Variants in SBNO1 observed in about 807,000 individuals in gnomAD.
SBNO1 encodes the protein strawberry notch homolog 1.
SBNO1 carries 23 observed loss-of-function variants against 173.6 expected under a neutral mutation model. The observed-to-expected ratio is 0.13, with a 90% confidence interval of 0.10 to 0.19. SBNO1 has a LOEUF of 0.19. SBNO1 is among the 10% of genes least tolerant of loss of function. The pLI, the probability that SBNO1 is intolerant of heterozygous loss-of-function variation, is 1.00. For synonymous variants in SBNO1, 632 were observed against 571.5 expected (o/e 1.11, Z -1.51); for missense variants, 1,238 against 1,671.2 (o/e 0.74, Z 4.52).
rs762033822 is a variant in SBNO1, at chr12:123,320,691, A to G, written c.2491+8T>C. Reference sequence around the variant, plus strand: ...AGTATTTCAAAAAGGAAGTTTCTGTATGGATACCTGGTGTACTGTTAGGAG... The same window carrying G: ...AGTATTTCAAAAAGGAAGTTTCTGTGTGGATACCTGGTGTACTGTTAGGAG... On this transcript the variant is annotated splice_region_variant and intron_variant, in intron 18 of 31. Coordinates refer to ENST00000602398, the MANE Select transcript of SBNO1 (RefSeq NM_001167856.3). 2.5e-6 allele frequency: 4 copies of G among 1,596,784 alleles called. No homozygotes were observed. The highest frequency in any genetic ancestry group is 3.4e-6 in the Non-Finnish European group (4 of 1,173,938).
chr12:123,348,669 G>C (rs997447168), intron 2 of SBNO1, among the ~76,000 whole-genome samples: 3 of 152,188 alleles, frequency 2.0e-5, no homozygotes, highest in African/African-American at 7.2e-5. Context: ...GGGAAGCTGA[G>C]GCAGGAGAAT....
At position 123,323,666 on chromosome 12, in the gene SBNO1, T is replaced by C; in HGVS notation, c.2125+14A>G. The C allele has an allele frequency of 6.3e-7, 1 of 1,583,602 alleles. No homozygotes were observed. The stretch of plus-strand genomic sequence containing the variant: ...ACCGCACCTGGCCTATTTTTTCTTT[T>C]TTAAAGTGCTCACCTTTCCGCTTCT... On this transcript the variant is annotated intron_variant, in intron 16 of 31. Coordinates refer to ENST00000602398, the MANE Select transcript of SBNO1 (RefSeq NM_001167856.3).
chr12:123,299,541 T>A (rs1312114919), intron 30 of SBNO1, among the ~76,000 whole-genome samples: 45 of 123,240 alleles, frequency 3.7e-4, no homozygotes, highest in Middle Eastern at 6.9e-3. Context: ...ATTTGCAGGG[T>A]GTGGTGGCGG....
chr12:123,297,560 G>GTGAGAATA (rs2048651863), intron 31 of SBNO1, among the ~76,000 whole-genome samples: 1 of 152,008 alleles, frequency 6.6e-6, no homozygotes, highest in Non-Finnish European at 1.5e-5. Flanking sequence ...TGAGCACACG[G>GTGAGAATA]TGAGAATAGC....
intron 1 of SBNO1, among the ~76,000 whole-genome samples, chr12:123,350,852 G>A (rs920144401): frequency 2.5e-5 from 1 of 39,568 alleles, no homozygotes. Context: ...TATGGCTGGA[G>A]GCCAGATGCC....
chr12:123,345,525 G>A lies in SBNO1; in HGVS notation c.283C>T (p.His95Tyr), dbSNP rs1278836321. ...ATTGTAGATCCCAAGGGTGGAAGATGATTTATTTGATTCAGCACAAATGTT... is the reference window on the plus strand; with the variant it reads ...ATTGTAGATCCCAAGGGTGGAAGATAATTTATTTGATTCAGCACAAATGTT... Reference protein sequence around the residue: ...TTTFVLNQINHLPPLGSTIVM... With the variant: ...TTTFVLNQINYLPPLGSTIVM... The change falls in exon 4 of 32, where the codon CAT (histidine) becomes TAT (tyrosine). Residue 95 changes from histidine (H) to tyrosine (Y), a missense_variant. By Grantham distance (83) the His-to-Tyr change is moderately conservative. Transcript: ENST00000602398. 2 of 1,613,948 alleles carry A rather than the reference G, an allele frequency of 1.2e-6. No individual in the cohort carries two copies. The highest frequency in any genetic ancestry group is 1.3e-5 in the African/African-American group (1 of 74,904).
At chr12:123,342,637 C>T (rs981005786) in intron 4 of SBNO1, among the ~76,000 whole-genome samples, 1 of 152,162 alleles carries the variant, frequency 6.6e-6, no homozygotes, top group African/African-American at 2.4e-5. Flanking sequence ...ACACTTTCTT[C>T]TATACCACTG....
chr12:123,326,052 C>A lies in SBNO1; in HGVS notation c.1875+100G>T, dbSNP rs1028105348. Reference sequence around the variant, plus strand: ...ATGTATTTTTTAGAAGTTTTACTATCCTTTAGGAAAACCAGATTTTACAAG... The same window carrying A: ...ATGTATTTTTTAGAAGTTTTACTATACTTTAGGAAAACCAGATTTTACAAG... On this transcript the variant is annotated intron_variant, in intron 14 of 31. Transcript: ENST00000602398. The A allele has an allele frequency of 1.8e-5, 14 of 768,952 alleles. No homozygotes were observed. In the African/African-American group the frequency reaches 1.9e-4, roughly 11 times the overall value. 47.6% of individuals were successfully genotyped at this position (768,952 alleles called of 1,614,324 possible).
intron 30 of SBNO1, among the ~76,000 whole-genome samples, chr12:123,299,659 C>T (rs952608974): frequency 2.4e-5 from 3 of 126,948 alleles, no homozygotes; most frequent in South Asian, 2.5e-4. Flanking sequence ...CTGGCATGGG[C>T]GACACAGCAA....
intron 29 of SBNO1, among the ~76,000 whole-genome samples, chr12:123,304,204 T>C (rs1381087803): frequency 6.6e-6 from 1 of 152,010 alleles, no homozygotes; most frequent in Non-Finnish European, 1.5e-5. Flanking sequence ...GTACTAAGAT[T>C]ACAGGCGTGA....
In SBNO1 at chr12:123,360,738, T is replaced by C. The variant is rs569602830; in HGVS notation, c.-1+3963A>G. Among the ~76,000 whole-genome samples, 20 of 152,042 alleles carry C rather than the reference T, an allele frequency of 1.3e-4. No individual in the cohort carries two copies. The East Asian group carries it at 3.3e-3, about 25-fold the overall frequency. Reference sequence around the variant, plus strand: ...GGATTACAGGCGTGCACCACCAAGCTTGGCCGAGACAAACCACTTTTTAAA... The same window carrying C: ...GGATTACAGGCGTGCACCACCAAGCCTGGCCGAGACAAACCACTTTTTAAA... On this transcript the variant is annotated intron_variant, in intron 1 of 31. Transcript: ENST00000602398.
At chr12:123,358,202 A>T (rs1404111375) in intron 1 of SBNO1, among the ~76,000 whole-genome samples, 1 of 152,228 alleles carries the variant, frequency 6.6e-6, no homozygotes, top group Non-Finnish European at 1.5e-5. Flanking sequence ...AGTACCTTAA[A>T]ATGTGCATGA....
chr12:123,334,579 G>A (rs950215513), intron 6 of SBNO1, among the ~76,000 whole-genome samples: 4 of 152,134 alleles, frequency 2.6e-5, no homozygotes, highest in East Asian at 1.9e-4. Context: ...ATGTTGGCAC[G>A]CGCCTGTAAT....
At chr12:123,331,678 C>T (rs1003621287) in intron 7 of SBNO1, among the ~76,000 whole-genome samples, 1 of 151,990 alleles carries the variant, frequency 6.6e-6, no homozygotes, top group Non-Finnish European at 1.5e-5. Flanking sequence ...CCCGCCACCA[C>T]GCCTGGCTAA....
At chr12:123,313,820 G>A in intron 23 of SBNO1, 101 bp from the exon 24 acceptor site, 1 of 669,342 alleles carries the variant, frequency 1.5e-6, no homozygotes, top group Admixed American at 2.4e-5. Flanking sequence ...TGGGTGCGGT[G>A]GCTCATGCCT....
chr12:123,315,892 G>A (rs755841905), intron 21 of SBNO1, among the ~76,000 whole-genome samples: 2 of 152,110 alleles, frequency 1.3e-5, no homozygotes, highest in African/African-American at 4.8e-5. Flanking sequence ...CAATTACTCT[G>A]GATTTTCCCA....
At chr12:123,354,151 C>T (rs968881950) in intron 1 of SBNO1, among the ~76,000 whole-genome samples, 29 of 152,070 alleles carry the variant, frequency 1.9e-4, no homozygotes, top group African/African-American at 6.8e-4. Flanking sequence ...AAGAGAGCAA[C>T]GGTTATAAAT....
At chr12:123,300,978 A>T (rs982233082) in intron 30 of SBNO1, among the ~76,000 whole-genome samples, 4 of 149,756 alleles carry the variant, frequency 2.7e-5, no homozygotes, top group African/African-American at 7.3e-5. Flanking sequence ...AACAAAAAAA[A>T]ACAAAAAAAA....
At chr12:123,355,116 G>A (rs1874295997) in intron 1 of SBNO1, among the ~76,000 whole-genome samples, 1 of 151,994 alleles carries the variant, frequency 6.6e-6, no homozygotes, top group Non-Finnish European at 1.5e-5. Context: ...CACCTCCCAA[G>A]TTCAAGCAAT....
Sources: gnomAD v4.1 joint callset for allele counts (sites outside exome capture counted in the v4.1 genomes callset) on GRCh38, gnomAD v4.1.1 for gene constraint, MANE v1.5 for transcripts, NCBI Gene and HGNC (gene_info 2026-07-23, HGNC 2026-07-21) for gene names.